Variants in ARHGAP24 observed in about 807,000 individuals in gnomAD.
ARHGAP24 encodes Rho GTPase activating protein 24.
In ARHGAP24, 50 loss-of-function variants were observed where a neutral mutation model predicts 76.4. That is an observed-to-expected ratio of 0.65 (90% CI 0.52 to 0.83). The LOEUF is 0.83. Ranked by LOEUF, ARHGAP24 falls within the 40% of genes least tolerant of loss-of-function variation. The pLI is 0.00. For synonymous variants in ARHGAP24, 345 were observed against 323.3 expected, an observed-to-expected ratio of 1.07 and a Z score of -0.72; for missense variants, 930 against 914.2, an observed-to-expected ratio of 1.02 and a Z score of -0.22.
At chr4:85,998,255 C>A (rs1351954218) in intron 9 of ARHGAP24, among the ~76,000 whole-genome samples, 1 of 152,100 alleles carries the variant, frequency 6.6e-6, no homozygotes. Flanking sequence ...TGAGGCTCTA[C>A]TACTAGGTGA....
At chr4:85,620,576 T>G (rs552857637) in intron 2 of ARHGAP24, among the ~76,000 whole-genome samples, 1 of 151,986 alleles carries the variant, frequency 6.6e-6, no homozygotes, top group Admixed American at 6.6e-5. Context: ...TTTGTCAATT[T>G]TGCTGATTTT....
intron 1 of ARHGAP24, among the ~76,000 whole-genome samples, chr4:85,500,839 T>C (rs2110098937): frequency 6.6e-6 from 1 of 152,236 alleles, no homozygotes; most frequent in South Asian, 2.1e-4. Flanking sequence ...TTACATTAGG[T>C]ATTTCTCCTA....
intron 3 of ARHGAP24, among the ~76,000 whole-genome samples, chr4:85,816,675 C>T (rs1729254063): frequency 6.6e-6 from 1 of 152,070 alleles, no homozygotes; most frequent in Non-Finnish European, 1.5e-5. Context: ...CATCAGTAGA[C>T]ACTGAGGTTG....
chr4:85,661,679 C>A (rs181485196), intron 2 of ARHGAP24, among the ~76,000 whole-genome samples: 1 of 151,938 alleles, frequency 6.6e-6, no homozygotes, highest in Non-Finnish European at 1.5e-5. Flanking sequence ...TCCCCCACCC[C>A]ACAACAGTCC....
At chr4:85,564,104 T>A (rs1323260505) in intron 1 of ARHGAP24, among the ~76,000 whole-genome samples, 1 of 152,230 alleles carries the variant, frequency 6.6e-6, no homozygotes, top group Admixed American at 6.5e-5. Context: ...ATGTCAGATC[T>A]GCAGGCATAT....
chr4:85,827,854 T>C, intron 3 of ARHGAP24: 1 of 1,233,420 alleles, frequency 8.1e-7, no homozygotes, highest in Non-Finnish European at 1.1e-6. Flanking sequence ...GCAAACACAG[T>C]AGGACCTGAG....
intron 3 of ARHGAP24, among the ~76,000 whole-genome samples, chr4:85,740,936 G>A (rs1725799052): frequency 6.6e-6 from 1 of 152,152 alleles, no homozygotes; most frequent in African/African-American, 2.4e-5. Context: ...TATTTATTCT[G>A]TTCACTATTG....
At chr4:85,767,286 A>G (rs991312870) in intron 3 of ARHGAP24, among the ~76,000 whole-genome samples, 6 of 152,196 alleles carry the variant, frequency 3.9e-5, no homozygotes, top group Non-Finnish European at 7.4e-5. Context: ...GTAAACTTAA[A>G]TGTCTCTCCA....
At chr4:85,826,146 C>T (rs1729702040) in intron 3 of ARHGAP24, among the ~76,000 whole-genome samples, 1 of 152,128 alleles carries the variant, frequency 6.6e-6, no homozygotes, top group Non-Finnish European at 1.5e-5. Context: ...TCCCTCTGTT[C>T]CCCGCCCCTC....
chr4:85,639,903 G>A lies in ARHGAP24; in HGVS notation c.180+69182G>A, dbSNP rs1449442163. On this transcript the variant is annotated intron_variant, in intron 2 of 9. Coordinates refer to ENST00000395184, the MANE Select transcript of ARHGAP24 (RefSeq NM_001025616.3). ...CAGTCCTTTAATAAATAATACAATG[G>A]CAAATTCCTGTGCGTTATAAATAAA... Among the ~76,000 whole-genome samples, 4 of 152,128 alleles carry A rather than the reference G, an allele frequency of 2.6e-5. No individual in the cohort carries two copies. The East Asian group carries it at 7.8e-4, about 30-fold the overall frequency.
intron 1 of ARHGAP24, among the ~76,000 whole-genome samples, chr4:85,569,650 A>G (rs1379165621): frequency 6.6e-6 from 1 of 152,238 alleles, no homozygotes; most frequent in Non-Finnish European, 1.5e-5. Flanking sequence ...TGTAGGAGAA[A>G]GGAAAAAACT....
rs188325839 is a variant in ARHGAP24, at chr4:85,649,162, T to C, written c.181-72723T>C. Among the ~76,000 whole-genome samples, 34 of 152,198 alleles carry C rather than the reference T, an allele frequency of 2.2e-4. 1 individual carries two copies. The highest frequency in any genetic ancestry group is 2.2e-3 in the Admixed American group (33 of 15,266). On this transcript the variant is annotated intron_variant, in intron 2 of 9. Coordinates refer to ENST00000395184, the MANE Select transcript of ARHGAP24 (RefSeq NM_001025616.3). The stretch of plus-strand genomic sequence containing the variant: ...GTGATGCACTTTAATTTCACAGTAT[T>C]TACCAAACATTTAATCTGTGACTGG...
rs577413978 is a variant in ARHGAP24 at position 85,947,073 on chromosome 4, T to C, written c.599+4800T>C. On this transcript the variant is annotated intron_variant, in intron 5 of 9. Transcript: ENST00000395184. ...ACTGTGGTTTTGATATGCATTTCTC[T>C]GATGATTGGTGATGATGAGCATTTT... Among the ~76,000 whole-genome samples the C allele has an allele frequency of 2.6e-4, 40 of 152,350 alleles. No individual in the cohort carries two copies. The South Asian group carries it at 7.7e-3, about 29-fold the overall frequency.
At chr4:85,708,836 G>T (rs1234011758) in intron 2 of ARHGAP24, among the ~76,000 whole-genome samples, 2 of 152,088 alleles carry the variant, frequency 1.3e-5, no homozygotes, top group Non-Finnish European at 2.9e-5. Context: ...ATTCTCCTGG[G>T]AGAATAAAAG....
At chr4:85,969,496 C>A (rs1394984622) in intron 5 of ARHGAP24, among the ~76,000 whole-genome samples, 2 of 151,196 alleles carry the variant, frequency 1.3e-5, no homozygotes, top group African/African-American at 2.4e-5. Flanking sequence ...TTTTTATATT[C>A]TTTTCTTTCT....
rs527955068 is a variant in ARHGAP24 at position 85,521,441 on chromosome 4, C to G, written c.-21+45882C>G. Reference sequence around the variant, plus strand: ...ATATATTACATCATACCTTCTATCCCCCTCCCTTTTTATCACCTCCATCCG... The same window carrying G: ...ATATATTACATCATACCTTCTATCCGCCTCCCTTTTTATCACCTCCATCCG... On this transcript the variant is annotated intron_variant, in intron 1 of 9. Transcript: ENST00000395184. Among the ~76,000 whole-genome samples the G allele has an allele frequency of 5.3e-5, 8 of 152,152 alleles. No individual in the cohort carries two copies. The East Asian group carries it at 1.5e-3, about 29-fold the overall frequency.
intron 2 of ARHGAP24, among the ~76,000 whole-genome samples, chr4:85,652,742 G>A (rs757422125): frequency 1.3e-5 from 2 of 152,158 alleles, no homozygotes; most frequent in Non-Finnish European, 2.9e-5. Flanking sequence ...CTGTGGATTA[G>A]GGGGTGGCAA....
chr4:85,809,368 G>A (rs1484073842), intron 3 of ARHGAP24, among the ~76,000 whole-genome samples: 9 of 152,112 alleles, frequency 5.9e-5, no homozygotes, highest in African/African-American at 2.2e-4. Flanking sequence ...TACCCATCTG[G>A]TTATATATTC....
intron 2 of ARHGAP24, among the ~76,000 whole-genome samples, chr4:85,697,588 A>G (rs960061281): frequency 6.6e-6 from 1 of 152,246 alleles, no homozygotes; most frequent in African/African-American, 2.4e-5. Flanking sequence ...TGTGTAGCAG[A>G]TAGTGAATAG....
Sources: allele counts gnomAD v4.1 joint callset (sites outside exome capture counted in the v4.1 genomes callset), GRCh38; gene constraint gnomAD v4.1.1; transcripts MANE v1.5; gene names NCBI Gene and HGNC (gene_info 2026-07-23, HGNC 2026-07-21).